THSD4: variants seen among roughly 807,000 people sequenced by gnomAD.
The protein encoded by THSD4 is thrombospondin type 1 domain containing 4.
THSD4 carries 69 observed loss-of-function variants against 119.0 expected under a neutral mutation model. That is an observed-to-expected ratio of 0.58 (90% CI 0.48 to 0.71). The LOEUF is 0.71. Among genes scored for constraint, THSD4 ranks in the 30% least tolerant of loss-of-function variants. THSD4 has a pLI of 0.00. For synonymous variants in THSD4, 524 were observed against 540.4 expected (o/e 0.97, Z 0.42); for missense variants, 1,393 against 1,391.1 (o/e 1.00, Z -0.02).
intron 6 of THSD4, among the ~76,000 whole-genome samples, chr15:71,390,927 A>G (rs982691393): frequency 1.2e-4 from 16 of 132,330 alleles, no homozygotes; most frequent in African/African-American, 4.7e-4. Flanking sequence ...TGACACGATC[A>G]TAGCTCACTG....
At chr15:71,441,397 A>ATGTTTT (rs2047086724) in intron 7 of THSD4, among the ~76,000 whole-genome samples, 1 of 73,366 alleles carries the variant, frequency 1.4e-5, no homozygotes, top group African/African-American at 5.3e-5. Flanking sequence ...CACCTGTAGA[A>ATGTTTT]TTTTTTTTTT....
At chr15:71,390,849 C>CTTTTTTTTTTTTTT (rs1010882999) in intron 6 of THSD4, among the ~76,000 whole-genome samples, 1 of 90,880 alleles carries the variant, frequency 1.1e-5, no homozygotes, top group African/African-American at 4.4e-5. Context: ...TTGGCTAAAT[C>CTTTTTTTTTTTTTT]TTTTTTTTTT....
intron 7 of THSD4, among the ~76,000 whole-genome samples, chr15:71,554,472 T>G (rs1354332735): frequency 6.6e-6 from 1 of 152,050 alleles, no homozygotes; most frequent in Non-Finnish European, 1.5e-5. Context: ...CACTGCAGCC[T>G]CAACCTCCCA....
intron 6 of THSD4, among the ~76,000 whole-genome samples, chr15:71,286,276 C>T (rs1321232063): frequency 6.6e-6 from 1 of 152,090 alleles, no homozygotes; most frequent in East Asian, 1.9e-4. Flanking sequence ...AGCCTAGGAT[C>T]CATTAGTTAT....
At chr15:71,344,309 C>G (rs111516314) in intron 6 of THSD4, among the ~76,000 whole-genome samples, 2,459 of 151,684 alleles carry the variant, frequency 0.016, 80 homozygotes, top group African/African-American at 0.056. Context: ...CCCCAAAGTA[C>G]TGGGATTACA....
At chr15:71,164,504 C>T (rs1432081954) in intron 3 of THSD4, among the ~76,000 whole-genome samples, 5 of 151,626 alleles carry the variant, frequency 3.3e-5, no homozygotes, top group Admixed American at 3.3e-4. Context: ...TGTGCACCAA[C>T]AAGAACCTGC....
chr15:71,452,045 C>T lies in THSD4; in HGVS notation c.1152+40222C>T, dbSNP rs151060777. Among the ~76,000 whole-genome samples, 15 of 152,308 alleles carry T rather than the reference C, an allele frequency of 9.8e-5. No homozygotes were observed. The East Asian group carries it at 2.7e-3, about 27-fold the overall frequency. On this transcript the variant is annotated intron_variant, in intron 7 of 17. Coordinates refer to ENST00000261862, the MANE Select transcript of THSD4 (RefSeq NM_024817.3). ...CCCTCCTTACTAGCTCAAGCTCAAG[C>T]TCCACCATGGTCTTCATGAGTGCTG... is the stretch of plus-strand genomic sequence containing the variant.
intron 3 of THSD4, among the ~76,000 whole-genome samples, chr15:71,169,927 AT>A (rs1040473481): frequency 2.0e-5 from 3 of 152,068 alleles, no homozygotes; most frequent in Non-Finnish European, 2.9e-5. Context: ...TAATCCCAGC[AT>A]TTTGGAAGGC....
intron 7 of THSD4, among the ~76,000 whole-genome samples, chr15:71,561,294 A>T (rs2049113219): frequency 6.6e-6 from 1 of 152,138 alleles, no homozygotes; most frequent in African/African-American, 2.4e-5. Context: ...TTAAAATGGG[A>T]GGATCATGTC....
At chr15:71,695,537 A>G (rs2052148514) in intron 8 of THSD4, among the ~76,000 whole-genome samples, 1 of 131,040 alleles carries the variant, frequency 7.6e-6, no homozygotes, top group African/African-American at 3.0e-5. Flanking sequence ...TGTGTGTTAC[A>G]GCCCAGGGTA....
At chr15:71,180,831 A>G (rs1342918357) in intron 3 of THSD4, among the ~76,000 whole-genome samples, 2 of 152,274 alleles carry the variant, frequency 1.3e-5, no homozygotes, top group South Asian at 2.1e-4. Flanking sequence ...GAAATATTCT[A>G]AGTCTTGAGC....
At chr15:71,641,055 G>A (rs543980292) in intron 7 of THSD4, among the ~76,000 whole-genome samples, 43 of 151,780 alleles carry the variant, frequency 2.8e-4, no homozygotes, top group Non-Finnish European at 2.1e-4. Context: ...GAATGACTCC[G>A]GTGGTGAAGA....
In THSD4 at chr15:71,624,588, C is replaced by CA. The variant is rs1196872832; in HGVS notation, c.1153-35941dup. ...TAATTGAAACCCTGTGTTTTGGACT[C>CA]ATTTGGTGTTAATGTGTAAATCCAA... On this transcript the variant is annotated intron_variant, in intron 7 of 17. Transcript: ENST00000261862. Among the ~76,000 whole-genome samples, 4 of 152,224 alleles carry CA rather than the reference C, an allele frequency of 2.6e-5. No individual in the cohort carries two copies. The East Asian group carries it at 7.7e-4, about 29-fold the overall frequency.
At chr15:71,569,095 A>G (rs1366489265) in intron 7 of THSD4, among the ~76,000 whole-genome samples, 2 of 152,252 alleles carry the variant, frequency 1.3e-5, no homozygotes, top group African/African-American at 4.8e-5. Flanking sequence ...ATGTTTTGCT[A>G]GAAGCATCCA....
rs1439494619 is a variant in THSD4, at chr15:71,468,081, T to C, written c.1152+56258T>C. On this transcript the variant is annotated intron_variant, in intron 7 of 17. Coordinates refer to ENST00000261862, the MANE Select transcript of THSD4 (RefSeq NM_024817.3). ...CCAGGCTGGTCTCGAACTGCTGACCTCAGGTGATCCACCCGCCTCAGCCTC... is the reference window on the plus strand; with the variant it reads ...CCAGGCTGGTCTCGAACTGCTGACCCCAGGTGATCCACCCGCCTCAGCCTC... 4.6e-5 allele frequency among the ~76,000 whole-genome samples: 7 copies of C among 152,140 alleles called. No homozygotes were observed. In the East Asian group the frequency reaches 1.3e-3, roughly 29 times the overall value.
intron 7 of THSD4, among the ~76,000 whole-genome samples, chr15:71,444,780 A>G (rs916238394): frequency 6.6e-6 from 1 of 152,058 alleles, no homozygotes; most frequent in African/African-American, 2.4e-5. Context: ...ATTTCACATC[A>G]TCTTCTTTGG....
At chr15:71,129,794 G>A (rs1469226305) in intron 1 of THSD4, among the ~76,000 whole-genome samples, 2 of 152,148 alleles carry the variant, frequency 1.3e-5, no homozygotes, top group Non-Finnish European at 2.9e-5. Flanking sequence ...ACAAATCATT[G>A]ACTAGATTTC....
chr15:71,363,391 CT>C (rs1298206009), intron 6 of THSD4, among the ~76,000 whole-genome samples: 7 of 152,210 alleles, frequency 4.6e-5, no homozygotes, highest in Admixed American at 4.6e-4. Context: ...ACCTTCTCAA[CT>C]TTCCCTAGAA....
intron 6 of THSD4, among the ~76,000 whole-genome samples, chr15:71,391,693 G>A (rs534421991): frequency 1.5e-4 from 23 of 152,292 alleles, no homozygotes; most frequent in Admixed American, 1.4e-3. Context: ...ATGCTTGTTA[G>A]TGGGAACTTT....
Sources: allele counts gnomAD v4.1 joint callset (sites outside exome capture counted in the v4.1 genomes callset), GRCh38; gene constraint gnomAD v4.1.1; transcripts MANE v1.5; gene names NCBI Gene and HGNC (gene_info 2026-07-23, HGNC 2026-07-21).